The following IL1RAPL2 variants were observed in gnomAD, a reference collection of about 807,000 sequenced individuals.
IL1RAPL2 encodes X-linked interleukin-1 receptor accessory protein-like 2.
In IL1RAPL2, 3 loss-of-function variants were observed where a neutral mutation model predicts 44.1. The observed-to-expected ratio is 0.07, with a 90% confidence interval of 0.03 to 0.18. IL1RAPL2 has a LOEUF of 0.18. IL1RAPL2 is among the 10% of genes least tolerant of loss of function. IL1RAPL2 has a pLI of 1.00. For synonymous variants in IL1RAPL2, 181 were observed against 178.8 expected, an observed-to-expected ratio of 1.01 and a Z score of -0.10; for missense variants, 391 against 496.4, an observed-to-expected ratio of 0.79 and a Z score of 2.02.
At chrX:105,319,908 A>G (rs955456480) in intron 5 of IL1RAPL2, among the ~76,000 whole-genome samples, 5 of 111,585 alleles carry the variant, frequency 4.5e-5, no homozygotes, top group Non-Finnish European at 9.4e-5. Flanking sequence ...GACAGAGCTC[A>G]TATTTCTACT....
intron 2 of IL1RAPL2, among the ~76,000 whole-genome samples, chrX:104,677,967 C>T (rs1930815473): frequency 1.8e-5 from 2 of 112,334 alleles, no homozygotes; most frequent in Admixed American, 9.3e-5. Context: ...GCGCATGGTG[C>T]GCGCACCCAC....
At chrX:105,356,187 T>TTGTC (rs2147708080) in intron 5 of IL1RAPL2, among the ~76,000 whole-genome samples, 1 of 107,068 alleles carries the variant, frequency 9.3e-6, no homozygotes, top group Admixed American at 1.0e-4. Flanking sequence ...TGTGTGTGGT[T>TTGTC]TGTTTCTTGG....
chrX:104,813,570 C>T (rs955602899), intron 2 of IL1RAPL2, among the ~76,000 whole-genome samples: 3 of 111,231 alleles, frequency 2.7e-5, no homozygotes, highest in African/African-American at 9.8e-5. Flanking sequence ...TGCTATATGC[C>T]GAGTTTTTTG....
intron 8 of IL1RAPL2, among the ~76,000 whole-genome samples, chrX:105,744,228 A>T (rs2038522368): frequency 8.9e-6 from 1 of 111,868 alleles, no homozygotes; most frequent in African/African-American, 3.2e-5. Flanking sequence ...CCCATAGTAT[A>T]CCAGTTTGTA....
chrX:105,649,917 T>C (rs747955723), intron 6 of IL1RAPL2, among the ~76,000 whole-genome samples: 1 of 111,497 alleles, frequency 9.0e-6, no homozygotes, highest in Non-Finnish European at 1.9e-5. Flanking sequence ...CTGAGGTCTT[T>C]CCATCCTTCA....
intron 2 of IL1RAPL2, among the ~76,000 whole-genome samples, chrX:104,915,708 C>T (rs1602815131): frequency 9.0e-6 from 1 of 111,600 alleles, no homozygotes; most frequent in East Asian, 2.8e-4. Flanking sequence ...TTAGGTCTCA[C>T]GTTTAAGTGT....
At chrX:105,264,074 A>G (rs1009594920) in intron 4 of IL1RAPL2, among the ~76,000 whole-genome samples, 1 of 111,185 alleles carries the variant, frequency 9.0e-6, no homozygotes, top group African/African-American at 3.3e-5. Flanking sequence ...CTCAGATCTC[A>G]TCTTGAATTG....
chrX:105,407,506 G>A (rs1227205730), intron 5 of IL1RAPL2, among the ~76,000 whole-genome samples: 1 of 111,611 alleles, frequency 9.0e-6, no homozygotes, highest in Non-Finnish European at 1.9e-5. Context: ...TGAAAACTTG[G>A]AAAAGGTTGT....
chrX:105,449,080 T>C (rs1418282812), intron 5 of IL1RAPL2, among the ~76,000 whole-genome samples: 8 of 111,380 alleles, frequency 7.2e-5, no homozygotes, highest in African/African-American at 2.6e-4. Context: ...GGTGAGGTCA[T>C]GTTTTCCTGG....
chrX:104,802,456 CT>C (rs1240041289), intron 2 of IL1RAPL2, among the ~76,000 whole-genome samples: 2 of 110,001 alleles, frequency 1.8e-5, no homozygotes, highest in East Asian at 2.8e-4. Flanking sequence ...GATTTGTACG[CT>C]TTTTTTGTAG....
chrX:105,355,748 C>T (rs1278998818), intron 5 of IL1RAPL2, among the ~76,000 whole-genome samples: 2 of 111,476 alleles, frequency 1.8e-5, no homozygotes, highest in Non-Finnish European at 3.8e-5. Flanking sequence ...ATTACAAATT[C>T]CTATAAGTGG....
chrX:104,944,007 G>T (rs1925275409), intron 2 of IL1RAPL2, among the ~76,000 whole-genome samples: 1 of 111,602 alleles, frequency 9.0e-6, no homozygotes, highest in African/African-American at 3.3e-5. Flanking sequence ...CCTCATGTGT[G>T]GAAGTAGCTG....
intron 2 of IL1RAPL2, among the ~76,000 whole-genome samples, chrX:105,116,876 C>A (rs774289131): frequency 2.7e-5 from 3 of 111,837 alleles, no homozygotes; most frequent in Non-Finnish European, 5.6e-5. Flanking sequence ...ATGTTGCTGA[C>A]AATTGTATTT....
At chrX:105,043,566 G>GAA (rs34802100) in intron 2 of IL1RAPL2, among the ~76,000 whole-genome samples, 9 of 65,300 alleles carry the variant, frequency 1.4e-4, no homozygotes, top group African/African-American at 2.0e-4. Flanking sequence ...TCTCAAAGCA[G>GAA]AAAAAAAAAA....
chrX:105,728,132 T>A (rs937258690), intron 7 of IL1RAPL2, among the ~76,000 whole-genome samples: 12 of 111,636 alleles, frequency 1.1e-4, no homozygotes, highest in Admixed American at 1.0e-3. Context: ...CATTACAGTA[T>A]CATACAGATG....
intron 1 of IL1RAPL2, among the ~76,000 whole-genome samples, chrX:104,625,965 T>C (rs1262035912): frequency 9.0e-6 from 1 of 111,153 alleles, no homozygotes; most frequent in Non-Finnish European, 1.9e-5. Context: ...CATCCTTATC[T>C]GTAAACTGAC....
At chrX:105,318,035 C>G (rs1172102429) in intron 5 of IL1RAPL2, among the ~76,000 whole-genome samples, 1 of 107,250 alleles carries the variant, frequency 9.3e-6, no homozygotes, top group Non-Finnish European at 1.9e-5. Flanking sequence ...TGCAGTGGCG[C>G]GATCTCGGCT....
At chrX:105,166,908 A>AACAAG (rs1026058444) in intron 2 of IL1RAPL2, among the ~76,000 whole-genome samples, 2 of 112,367 alleles carry the variant, frequency 1.8e-5, no homozygotes, top group African/African-American at 6.5e-5. Flanking sequence ...AAAAGCCATC[A>AACAAG]ATTTGATTGG....
intron 6 of IL1RAPL2, among the ~76,000 whole-genome samples, chrX:105,699,999 A>C (rs919797644): frequency 3.6e-5 from 4 of 111,723 alleles, no homozygotes; most frequent in South Asian, 7.4e-4. Context: ...TTTTGTTTTA[A>C]ATATATTCTG....
Sources: gnomAD v4.1 joint callset for allele counts (sites outside exome capture counted in the v4.1 genomes callset) on GRCh38, gnomAD v4.1.1 for gene constraint, MANE v1.5 for transcripts, NCBI Gene and HGNC (gene_info 2026-07-23, HGNC 2026-07-21) for gene names.